Variants in PAPPA2 observed in about 807,000 individuals in gnomAD.
PAPPA2 encodes the protein pappalysin-2.
Under a neutral mutation model 176.4 loss-of-function variants are expected in PAPPA2, and 86 were observed. That is an observed-to-expected ratio of 0.49 (90% confidence interval 0.41 to 0.58). PAPPA2 has a LOEUF of 0.58. PAPPA2 is among the 20% of genes least tolerant of loss of function. The pLI is 0.00. For missense variants in PAPPA2, 2,073 were observed against 2,256.9 expected, an observed-to-expected ratio of 0.92 and a Z score of 1.65; for synonymous variants, 809 against 852.2, an observed-to-expected ratio of 0.95 and a Z score of 0.88.
rs185911321 is a variant in PAPPA2, at chr1:176,714,076, C to T, written c.3798+2095C>T. 8.2e-4 allele frequency among the ~76,000 whole-genome samples: 125 copies of T among 152,078 alleles called. 1 individual carries two copies. The highest frequency in any genetic ancestry group is 1.5e-3 in the South Asian group (7 of 4,822). Reference sequence around the variant, plus strand: ...GGCAGATAGCACACCACCCCAGCATCGGGGTGAGACAAGAGGAAAGCTTGG... The same window carrying T: ...GGCAGATAGCACACCACCCCAGCATTGGGGTGAGACAAGAGGAAAGCTTGG... On this transcript the variant is annotated intron_variant, in intron 12 of 22. Transcript: ENST00000367662.
intron 20 of PAPPA2, among the ~76,000 whole-genome samples, chr1:176,794,109 G>C (rs915761951): frequency 6.6e-6 from 1 of 152,128 alleles, no homozygotes. Flanking sequence ...TATTTGCCTT[G>C]CTCTGGGGGT....
chr1:176,488,171 T>A (rs1386484245), intron 1 of PAPPA2, among the ~76,000 whole-genome samples: 1 of 152,212 alleles, frequency 6.6e-6, no homozygotes, highest in East Asian at 1.9e-4. Flanking sequence ...TTTGTAGGCA[T>A]CTTCCCTTGT....
rs138316960 is a variant in PAPPA2 at position 176,531,854 on chromosome 1, T to C, written c.-916-23553T>C. 4.4e-3 allele frequency among the ~76,000 whole-genome samples: 667 copies of C among 152,302 alleles called. 4 individuals carry two copies. Among genetic ancestry groups the C allele is most frequent in the African/African-American group, 0.015 (624 of 41,558 alleles). ...ACTCTTTAGTATTTTATAGCACTCA[T>C]ACTGAATGTTCACTGGCTCTCTGGC... is the stretch of plus-strand genomic sequence containing the variant. On this transcript the variant is annotated intron_variant, in intron 1 of 22. Coordinates refer to ENST00000367662, the MANE Select transcript of PAPPA2 (RefSeq NM_020318.3).
At chr1:176,572,999 G>A (rs1156906133) in intron 2 of PAPPA2, among the ~76,000 whole-genome samples, 1 of 152,186 alleles carries the variant, frequency 6.6e-6, no homozygotes, top group Non-Finnish European at 1.5e-5. Flanking sequence ...ATTTGACTGA[G>A]AAGAGAAACA....
chr1:176,845,363 T>C lies in PAPPA2; in HGVS notation c.*2909T>C, dbSNP rs1490779979. 5 of 152,176 alleles carry C rather than the reference T, an allele frequency of 3.3e-5. No homozygotes were observed. Among genetic ancestry groups the C allele is most frequent in the Non-Finnish European group, 7.3e-5 (5 of 68,040 alleles). 9.4% of individuals were successfully genotyped at this position (152,176 alleles called of 1,614,324 possible). ...GACAGAAATTAAAGTAAAGGGATTG[T>C]GAAAGTAAAGAGCTCTTCCTGATTC... On this transcript the variant is annotated 3_prime_UTR_variant, in exon 23 of 23. Transcript: ENST00000367662.
intron 10 of PAPPA2, among the ~76,000 whole-genome samples, chr1:176,709,694 T>A (rs1661052641): frequency 6.6e-6 from 1 of 152,194 alleles, no homozygotes; most frequent in African/African-American, 2.4e-5. Context: ...ACACCCAGTC[T>A]ACAGCTGCTT....
intron 3 of PAPPA2, among the ~76,000 whole-genome samples, chr1:176,663,373 C>G (rs1177555418): frequency 1.3e-5 from 2 of 152,106 alleles, no homozygotes; most frequent in Admixed American, 1.3e-4. Flanking sequence ...CCATGATTAG[C>G]CCCCTGCCAA....
chr1:176,687,101 G>C (rs1313682085), intron 4 of PAPPA2, among the ~76,000 whole-genome samples: 18 of 152,154 alleles, frequency 1.2e-4, no homozygotes, highest in Non-Finnish European at 1.0e-4. Context: ...CAATCTCCTA[G>C]TTAACACACA....
chr1:176,501,117 C>A (rs1647937316), intron 1 of PAPPA2, among the ~76,000 whole-genome samples: 1 of 148,692 alleles, frequency 6.7e-6, no homozygotes, highest in African/African-American at 2.5e-5. Flanking sequence ...ATATATTATA[C>A]AATTATATGA....
chr1:176,793,025 A>G (rs1435253476), intron 19 of PAPPA2, among the ~76,000 whole-genome samples: 1 of 152,228 alleles, frequency 6.6e-6, no homozygotes, highest in East Asian at 1.9e-4. Context: ...AGCAATAGAA[A>G]GAATAGTCTC....
At chr1:176,781,923 C>A (rs1217066681) in intron 17 of PAPPA2, among the ~76,000 whole-genome samples, 2 of 152,192 alleles carry the variant, frequency 1.3e-5, no homozygotes, top group Admixed American at 6.5e-5. Context: ...ATGTATCAGA[C>A]AAAACAACTA....
chr1:176,692,026 A>C, intron 5 of PAPPA2, 100 bp from the exon 6 acceptor site: 1 of 1,143,610 alleles, frequency 8.7e-7, no homozygotes, highest in Non-Finnish European at 1.3e-6. Context: ...GAGCCTAATA[A>C]GTTAACTCAG....
intron 2 of PAPPA2, among the ~76,000 whole-genome samples, chr1:176,585,900 CATCT>C (rs1455886593): frequency 2.0e-5 from 3 of 151,824 alleles, no homozygotes; most frequent in Admixed American, 6.6e-5. Flanking sequence ...TTTGTTTAAC[CATCT>C]ATCTGTCTCT....
At chr1:176,785,752 GT>G (rs1390839402) in intron 17 of PAPPA2, among the ~76,000 whole-genome samples, 2 of 152,124 alleles carry the variant, frequency 1.3e-5, no homozygotes, top group Non-Finnish European at 2.9e-5. Flanking sequence ...CCCCATCCAA[GT>G]TTGATCTGTC....
intron 1 of PAPPA2, among the ~76,000 whole-genome samples, chr1:176,507,207 T>C (rs2102517713): frequency 6.6e-6 from 1 of 151,990 alleles, no homozygotes; most frequent in East Asian, 1.9e-4. Flanking sequence ...CACTAATCAT[T>C]AGAGAAATAC....
intron 21 of PAPPA2, among the ~76,000 whole-genome samples, chr1:176,806,052 A>T (rs916665309): frequency 1.3e-5 from 2 of 150,768 alleles, no homozygotes; most frequent in Admixed American, 6.6e-5. Flanking sequence ...TATCTTTATG[A>T]CTTTTTATTA....
chr1:176,756,283 A>G (rs1663414633), intron 14 of PAPPA2, among the ~76,000 whole-genome samples: 1 of 152,154 alleles, frequency 6.6e-6, no homozygotes, highest in Non-Finnish European at 1.5e-5. Flanking sequence ...GTGGAAGTGT[A>G]TCATCATAAA....
chr1:176,740,245 T>A (rs972123860), intron 14 of PAPPA2, 49 bp downstream of exon 14: 3 of 1,539,666 alleles, frequency 1.9e-6, no homozygotes, highest in African/African-American at 2.7e-5. Context: ...GTGGCTCTAA[T>A]GATTGGCTCA....
chr1:176,826,317 T>C (rs1472042640), intron 21 of PAPPA2, among the ~76,000 whole-genome samples: 2 of 152,192 alleles, frequency 1.3e-5, no homozygotes, highest in African/African-American at 4.8e-5. Context: ...AAAGGAGATA[T>C]GCCAATGAAC....
Sources: gnomAD v4.1 joint callset for allele counts (sites outside exome capture counted in the v4.1 genomes callset) on GRCh38, gnomAD v4.1.1 for gene constraint, MANE v1.5 for transcripts, NCBI Gene and HGNC (gene_info 2026-07-23, HGNC 2026-07-21) for gene names.